The following MTHFD2L variants were observed in gnomAD, a reference collection of about 807,000 sequenced individuals.
The protein encoded by MTHFD2L is bifunctional methylenetetrahydrofolate dehydrogenase/cyclohydrolase 2, mitochondrial.
MTHFD2L carries 29 observed loss-of-function variants against 34.9 expected under a neutral mutation model. That is an observed-to-expected ratio of 0.83 (90% CI 0.62 to 1.13). MTHFD2L has a LOEUF of 1.13. Ranked by LOEUF, MTHFD2L falls within the 50% of genes most tolerant of loss-of-function variation. The pLI, the probability that MTHFD2L is intolerant of heterozygous loss-of-function variation, is 0.00. For missense variants in MTHFD2L, 481 were observed against 446.5 expected (o/e 1.08, Z -0.70); for synonymous variants, 167 against 155.7 (o/e 1.07, Z -0.54).
intron 3 of MTHFD2L, among the ~76,000 whole-genome samples, chr4:74,191,364 G>GT (rs111235954): frequency 0.11 from 15,656 of 144,562 alleles, 1,618 homozygotes; most frequent in African/African-American, 0.27. Flanking sequence ...TTACCTGGTC[G>GT]TTTTTTTTTT....
chr4:74,125,237 G>A (rs535458279), upstream of MTHFD2L, among the ~76,000 whole-genome samples: 24 of 152,126 alleles, frequency 1.6e-4, no homozygotes, highest in Non-Finnish European at 2.8e-4. Flanking sequence ...CAGGTATCCT[G>A]GGAATTCCTT....
At chr4:74,122,166 A>G (rs1287210601), upstream of MTHFD2L, among the ~76,000 whole-genome samples, 2 of 152,138 alleles carry the variant, frequency 1.3e-5, no homozygotes, top group African/African-American at 4.8e-5. Flanking sequence ...GTATTTGGAA[A>G]TAGGGGTTGT....
chr4:74,172,265 A>G (rs1728159425), intron 1 of MTHFD2L, among the ~76,000 whole-genome samples: 1 of 152,194 alleles, frequency 6.6e-6, no homozygotes, highest in African/African-American at 2.4e-5. Flanking sequence ...TCTTGACTAT[A>G]GTGATGGTTT....
chr4:74,128,854 C>A (rs1427587778), intron 1 of MTHFD2L, among the ~76,000 whole-genome samples: 1 of 152,042 alleles, frequency 6.6e-6, no homozygotes, highest in Non-Finnish European at 1.5e-5. Context: ...ATCCATTCAG[C>A]ACCTCTATAA....
At chr4:74,295,337 C>A (rs1378872615) in intron 7 of MTHFD2L, among the ~76,000 whole-genome samples, 1 of 152,050 alleles carries the variant, frequency 6.6e-6, no homozygotes, top group Non-Finnish European at 1.5e-5. Flanking sequence ...TTTCTCTTTC[C>A]CTTTCTTCCC....
chr4:74,167,880 A>AT (rs1437491581), intron 1 of MTHFD2L, among the ~76,000 whole-genome samples: 1 of 152,166 alleles, frequency 6.6e-6, no homozygotes, highest in Non-Finnish European at 1.5e-5. Flanking sequence ...CAGGTCAGAA[A>AT]TGTTAGAGTC....
chr4:74,265,727 A>G (rs547697438), intron 6 of MTHFD2L, among the ~76,000 whole-genome samples: 2 of 152,180 alleles, frequency 1.3e-5, no homozygotes, highest in Non-Finnish European at 2.9e-5. Flanking sequence ...TTTGTCATGC[A>G]TACTATTTTT....
chr4:74,257,591 A>G (rs1391058629), intron 6 of MTHFD2L, among the ~76,000 whole-genome samples: 2 of 152,206 alleles, frequency 1.3e-5, no homozygotes, highest in Admixed American at 6.5e-5. Flanking sequence ...TGTGTATCAA[A>G]CTTTAGCAAA....
chr4:74,179,969 A>G (rs755140636), intron 3 of MTHFD2L, among the ~76,000 whole-genome samples: 5 of 152,072 alleles, frequency 3.3e-5, no homozygotes, highest in Non-Finnish European at 7.4e-5. Context: ...AAGTCATACT[A>G]ATGCTTTTTA....
At chr4:74,212,533 A>G (rs1316976160) in intron 5 of MTHFD2L, among the ~76,000 whole-genome samples, 1 of 152,122 alleles carries the variant, frequency 6.6e-6, no homozygotes, top group African/African-American at 2.4e-5. Context: ...CTGAGCTCCA[A>G]TTTGATTGCA....
At chr4:74,245,149 C>T (rs1040773089) in intron 6 of MTHFD2L, among the ~76,000 whole-genome samples, 1 of 134,406 alleles carries the variant, frequency 7.4e-6, no homozygotes, top group African/African-American at 2.8e-5. Context: ...GAGCTGAGAT[C>T]GCGCCACTGC....
intron 1 of MTHFD2L, among the ~76,000 whole-genome samples, chr4:74,134,984 A>G (rs958337616): frequency 2.0e-5 from 3 of 152,178 alleles, no homozygotes; most frequent in African/African-American, 7.2e-5. Flanking sequence ...TACCTCAAAG[A>G]CAAAATCTAA....
At chr4:74,173,946 A>G (rs888069566) in intron 1 of MTHFD2L, among the ~76,000 whole-genome samples, 2 of 152,200 alleles carry the variant, frequency 1.3e-5, no homozygotes, top group South Asian at 2.1e-4. Context: ...TTGAGCTGCT[A>G]TAACAGAATA....
At chr4:74,143,399 G>T (rs1011270835) in intron 1 of MTHFD2L, 3 of 985,120 alleles carry the variant, frequency 3.0e-6, no homozygotes, top group Non-Finnish European at 3.6e-6. Context: ...CTAGGCTGGT[G>T]CAGCATGGAA....
chr4:74,281,335 G>A (rs1747445075), intron 6 of MTHFD2L, 90 bp from the exon 7 acceptor site: 1 of 1,194,036 alleles, frequency 8.4e-7, no homozygotes, highest in Non-Finnish European at 1.2e-6. Flanking sequence ...GTGTGTGTGT[G>A]TGTGTGTGTG....
chr4:74,281,323 A>ATGTGTGTGTGTGTG lies in MTHFD2L; in HGVS notation c.806-102_806-101insTGTGTGTGTGTGTG, dbSNP rs1747437502. ...TTTTAAGGAACAATGTATTACACAT[A>ATGTGTGTGTGTGTG]CGTGTGTGTGTGTGTGTGTGTGTGT... On this transcript the variant is annotated intron_variant, in intron 6 of 7. Transcript: ENST00000325278. 5 of 692,416 alleles carry ATGTGTGTGTGTGTG rather than the reference A, an allele frequency of 7.2e-6. No individual in the cohort carries two copies. In the Admixed American group the frequency reaches 2.0e-4, roughly 27 times the overall value. 42.9% of individuals were successfully genotyped at this position (692,416 alleles called of 1,614,324 possible).
At position 74,160,144 on chromosome 4, in the gene MTHFD2L, TATA is replaced by T. The variant is rs759599886; in HGVS notation, c.143+1866_143+1868del. On this transcript the variant is annotated intron_variant, in intron 1 of 7. Coordinates refer to ENST00000325278, the MANE Select transcript of MTHFD2L (RefSeq NM_001144978.3). The stretch of plus-strand genomic sequence containing the variant: ...CATCCACAGTCATCTTTTTTATATA[TATA>T]ATGACACATTAGTTGTCTAGTTCTT... 17 of 1,200,294 alleles carry T rather than the reference TATA, an allele frequency of 1.4e-5. No homozygotes were observed. The African/African-American group carries it at 1.7e-4, about 12-fold the overall frequency. The allele number at this position is 1,200,294 out of a possible 1,614,324, so 74.4% of individuals were successfully genotyped here.
At chr4:74,159,996 G>A (rs1725061988) in intron 1 of MTHFD2L, 5 of 1,182,208 alleles carry the variant, frequency 4.2e-6, no homozygotes, top group South Asian at 1.5e-5. Flanking sequence ...GGTGGGTCTC[G>A]GGTGGGGAGG....
chr4:74,150,248 T>A (rs1384921974), intron 1 of MTHFD2L, among the ~76,000 whole-genome samples: 2 of 152,126 alleles, frequency 1.3e-5, no homozygotes, highest in African/African-American at 4.8e-5. Context: ...CACCATAAGT[T>A]TTTGTTGTTG....
Sources: gnomAD v4.1 joint callset for allele counts (sites outside exome capture counted in the v4.1 genomes callset) on GRCh38, gnomAD v4.1.1 for gene constraint, MANE v1.5 for transcripts, NCBI Gene and HGNC (gene_info 2026-07-23, HGNC 2026-07-21) for gene names.